RAP1GDS1: variants seen among roughly 807,000 people sequenced by gnomAD.
RAP1GDS1 encodes the protein RAP1, GTP-GDP dissociation stimulator 1.
Under a neutral mutation model 71.1 loss-of-function variants are expected in RAP1GDS1, and 35 were observed. The ratio of observed to expected loss-of-function variants is 0.49; its 90% confidence interval spans 0.38 to 0.65. RAP1GDS1 has a LOEUF of 0.65. Among genes scored for constraint, RAP1GDS1 ranks in the 30% least tolerant of loss-of-function variants. The pLI is 0.00. For synonymous variants in RAP1GDS1, 229 were observed against 243.1 expected (o/e 0.94, Z 0.54); for missense variants, 663 against 706.1 (o/e 0.94, Z 0.69).
chr4:98,428,117 A>G (rs1388442018), intron 12 of RAP1GDS1, among the ~76,000 whole-genome samples: 5 of 152,292 alleles, frequency 3.3e-5, no homozygotes, highest in Admixed American at 3.3e-4. Flanking sequence ...AGGGCACCAT[A>G]TTCAACAAAT....
At chr4:98,324,915 A>G (rs1469353169) in intron 2 of RAP1GDS1, among the ~76,000 whole-genome samples, 7 of 152,180 alleles carry the variant, frequency 4.6e-5, no homozygotes, top group African/African-American at 1.7e-4. Context: ...GCCAAAATTG[A>G]CAAATGGGAT....
intron 6 of RAP1GDS1, among the ~76,000 whole-genome samples, chr4:98,398,086 T>C (rs532980558): frequency 6.6e-6 from 1 of 152,092 alleles, no homozygotes; most frequent in African/African-American, 2.4e-5. Context: ...GCTCAAGAGG[T>C]GAGGGCAATC....
chr4:98,414,763 G>A (rs1436833845), intron 7 of RAP1GDS1, among the ~76,000 whole-genome samples: 2 of 152,014 alleles, frequency 1.3e-5, no homozygotes, highest in African/African-American at 4.8e-5. Context: ...AAAGTCATTG[G>A]TAGCTTTATG....
In RAP1GDS1 at chr4:98,320,739, A is replaced by G. The variant is rs1334241201; in HGVS notation, c.113-22400A>G. 2.5e-3 allele frequency among the ~76,000 whole-genome samples: 376 copies of G among 151,630 alleles called. 1 individual carries two copies. Among genetic ancestry groups the G allele is most frequent in the Non-Finnish European group, 3.7e-3 (249 of 67,928 alleles). The stretch of plus-strand genomic sequence containing the variant: ...TCTGTTAGAAGGAAAACTAACAAAC[A>G]GAAAGGACATCCACACCAAAAACCC... On this transcript the variant is annotated intron_variant, in intron 2 of 14. Coordinates refer to ENST00000408927, the MANE Select transcript of RAP1GDS1 (RefSeq NM_001100427.2).
intron 12 of RAP1GDS1, among the ~76,000 whole-genome samples, chr4:98,433,673 G>A (rs533211097): frequency 3.2e-4 from 49 of 152,212 alleles, no homozygotes; most frequent in African/African-American, 8.7e-4. Flanking sequence ...CTTTGGCTTT[G>A]GTAGCTTCTA....
intron 12 of RAP1GDS1, among the ~76,000 whole-genome samples, chr4:98,422,987 C>T (rs189284285): frequency 5.9e-5 from 9 of 152,336 alleles, no homozygotes; most frequent in African/African-American, 2.2e-4. Context: ...TGCTCTCTCA[C>T]GCCCATTTGT....
intron 5 of RAP1GDS1, among the ~76,000 whole-genome samples, chr4:98,388,250 A>G (rs987040029): frequency 1.3e-5 from 2 of 152,182 alleles, no homozygotes; most frequent in African/African-American, 4.8e-5. Flanking sequence ...TTCTCAAATA[A>G]GCATGATGAG....
In RAP1GDS1 at chr4:98,324,615, C is replaced by T. The variant is rs543371294; in HGVS notation, c.113-18524C>T. Among the ~76,000 whole-genome samples the T allele has an allele frequency of 1.2e-4, 17 of 145,008 alleles. No homozygotes were observed. In the South Asian group the frequency reaches 1.8e-3, roughly 16 times the overall value. The stretch of plus-strand genomic sequence containing the variant: ...AGAACAGAGCCCTCAGAAATAACGC[C>T]GCATACCTACAACTATCTGATCTTT... On this transcript the variant is annotated intron_variant, in intron 2 of 14. Transcript: ENST00000408927.
At chr4:98,350,135 G>T (rs994061681) in intron 3 of RAP1GDS1, among the ~76,000 whole-genome samples, 2 of 152,218 alleles carry the variant, frequency 1.3e-5, no homozygotes, top group South Asian at 2.1e-4. Context: ...GCTATTGATT[G>T]TAGAGTCCAA....
intron 2 of RAP1GDS1, among the ~76,000 whole-genome samples, chr4:98,308,297 CTATATATATATATATATATATA>C (rs779815305): frequency 1.2e-4 from 9 of 73,202 alleles, no homozygotes; most frequent in Middle Eastern, 9.3e-3. Context: ...CACACACACA[CTATATATATATATATATATATA>C]TATATATATA....
At position 98,377,964 on chromosome 4, in the gene RAP1GDS1, A is replaced by C. The variant is rs1436511853; in HGVS notation, c.362-1053A>C. On this transcript the variant is annotated intron_variant, in intron 4 of 14. Transcript: ENST00000408927. ...CTTGGATTTTGAAGATATATTGTGAAGATGATAATACAAAATATTTTGTTA... is the reference window on the plus strand; with the variant it reads ...CTTGGATTTTGAAGATATATTGTGACGATGATAATACAAAATATTTTGTTA... Among the ~76,000 whole-genome samples the C allele has an allele frequency of 2.6e-5, 4 of 152,018 alleles. No individual in the cohort carries two copies. The East Asian group carries it at 7.7e-4, about 29-fold the overall frequency.
chr4:98,330,633 G>A (rs907420378), intron 2 of RAP1GDS1, among the ~76,000 whole-genome samples: 5 of 151,330 alleles, frequency 3.3e-5, no homozygotes, highest in African/African-American at 1.2e-4. Context: ...GGGCGGCCGG[G>A]CAGAGACGCT....
At chr4:98,399,660 CTAACCAATG>C (rs1187118471) in intron 6 of RAP1GDS1, among the ~76,000 whole-genome samples, 1 of 152,114 alleles carries the variant, frequency 6.6e-6, no homozygotes, top group Non-Finnish European at 1.5e-5. Flanking sequence ...ACAAAAATGG[CTAACCAATG>C]TATGATAAAA....
At chr4:98,370,706 G>A (rs1488023750) in intron 4 of RAP1GDS1, among the ~76,000 whole-genome samples, 1 of 152,000 alleles carries the variant, frequency 6.6e-6, no homozygotes, top group East Asian at 1.9e-4. Flanking sequence ...GAGTAGCTGG[G>A]ACTACAGGCG....
intron 2 of RAP1GDS1, among the ~76,000 whole-genome samples, chr4:98,341,449 G>C (rs1735489904): frequency 6.6e-6 from 1 of 152,162 alleles, no homozygotes; most frequent in African/African-American, 2.4e-5. Flanking sequence ...CACTCTTTTA[G>C]TTACAGTTAA....
intron 2 of RAP1GDS1, among the ~76,000 whole-genome samples, chr4:98,296,676 G>T (rs2110287157): frequency 6.6e-6 from 1 of 152,214 alleles, no homozygotes; most frequent in Middle Eastern, 3.4e-3. Context: ...ATAGTTAGAA[G>T]ATTCTCAGTA....
intron 4 of RAP1GDS1, among the ~76,000 whole-genome samples, chr4:98,367,119 T>G (rs935243214): frequency 6.6e-6 from 1 of 152,160 alleles, no homozygotes; most frequent in Non-Finnish European, 1.5e-5. Context: ...GGGCCGGGCC[T>G]AGGGCCTGCC....
At chr4:98,374,856 C>T (rs1295043602) in intron 4 of RAP1GDS1, among the ~76,000 whole-genome samples, 2 of 152,142 alleles carry the variant, frequency 1.3e-5, no homozygotes, top group East Asian at 1.9e-4. Flanking sequence ...TTTCTGTGCT[C>T]TTGCTCCTCT....
intron 2 of RAP1GDS1, among the ~76,000 whole-genome samples, chr4:98,304,307 C>G (rs1323361268): frequency 6.6e-6 from 1 of 152,148 alleles, no homozygotes; most frequent in Admixed American, 6.5e-5. Context: ...ATTCACATTC[C>G]CACCAACAGT....
Sources: gnomAD v4.1 joint callset for allele counts (sites outside exome capture counted in the v4.1 genomes callset) on GRCh38, gnomAD v4.1.1 for gene constraint, MANE v1.5 for transcripts, NCBI Gene and HGNC (gene_info 2026-07-23, HGNC 2026-07-21) for gene names.